The following UBE2U variants were observed in gnomAD, a reference collection of about 807,000 sequenced individuals.
UBE2U encodes ubiquitin-conjugating enzyme E2 U.
A neutral mutation model predicts 41.2 loss-of-function variants in UBE2U; 39 were observed. That is an observed-to-expected ratio of 0.95 (90% confidence interval 0.73 to 1.24). UBE2U has a LOEUF of 1.24. Ranked by LOEUF, UBE2U falls within the 50% of genes most tolerant of loss-of-function variation. The pLI, the probability that UBE2U is intolerant of heterozygous loss-of-function variation, is 0.00. For synonymous variants in UBE2U, 107 were observed against 117.8 expected (o/e 0.91, Z 0.60); for missense variants, 336 against 363.1 (o/e 0.93, Z 0.61).
At chr1:64,206,888 G>A (rs753746023) in intron 3 of UBE2U, 32 bp downstream of exon 3, 1 of 1,243,904 alleles carries the variant, frequency 8.0e-7, no homozygotes, top group Non-Finnish European at 1.2e-6. Context: ...TATCATTAGA[G>A]GCTTTGTCCC....
intron 3 of UBE2U, 47 bp from the exon 4 acceptor site, chr1:64,210,695 T>A (rs1651608543): frequency 8.2e-7 from 1 of 1,218,428 alleles, no homozygotes; most frequent in Admixed American, 2.9e-5. Context: ...AAGTTTTAAA[T>A]AATAATTTAT....
intron 7 of UBE2U, among the ~76,000 whole-genome samples, chr1:64,239,092 G>GAAGAAGAAGAAA (rs1644737300): frequency 7.9e-4 from 34 of 42,804 alleles, no homozygotes; most frequent in African/African-American, 3.3e-3. Flanking sequence ...AAGAGGAAGA[G>GAAGAAGAAGAAA]GAAGAAGAAG....
chr1:64,218,406 G>A lies in UBE2U; in HGVS notation c.458-2453G>A, dbSNP rs78814406. 5.2e-4 allele frequency among the ~76,000 whole-genome samples: 79 copies of A among 152,248 alleles called. No homozygotes were observed. In the East Asian group the frequency reaches 0.015, roughly 28 times the overall value. On this transcript the variant is annotated intron_variant, in intron 5 of 9. Coordinates refer to ENST00000371077, the MANE Select transcript of UBE2U (RefSeq NM_001366232.2). ...AAGTTTCTAAGTTGCTAGTTTTAAC[G>A]AGAAATGTTAAATATTTATTTTCTA...
intron 7 of UBE2U, among the ~76,000 whole-genome samples, chr1:64,233,249 C>T (rs1964633): frequency 0.17 from 25,530 of 151,934 alleles, 2,775 homozygotes; most frequent in Non-Finnish European, 0.24. Context: ...CCTCGTGATC[C>T]GCCTGCCTCA....
chr1:64,227,876 T>G (rs1198671900), intron 6 of UBE2U, among the ~76,000 whole-genome samples: 2 of 152,050 alleles, frequency 1.3e-5, no homozygotes, highest in Non-Finnish European at 2.9e-5. Flanking sequence ...GTACAAGACA[T>G]GTATACTGAA....
At chr1:64,228,674 C>A (rs1217423655) in intron 6 of UBE2U, among the ~76,000 whole-genome samples, 1 of 125,558 alleles carries the variant, frequency 8.0e-6, no homozygotes, top group African/African-American at 3.2e-5. Flanking sequence ...TCTTTTCTTT[C>A]TCTCTCTCTC....
chr1:64,239,526 A>G (rs1294393637), intron 7 of UBE2U, among the ~76,000 whole-genome samples: 1 of 70,030 alleles, frequency 1.4e-5, no homozygotes, highest in Non-Finnish European at 2.6e-5. Flanking sequence ...CCCTCCCCCC[A>G]CCCCACGACA....
chr1:64,242,797 C>T (rs1644857154), intron 8 of UBE2U, among the ~76,000 whole-genome samples: 1 of 152,068 alleles, frequency 6.6e-6, no homozygotes, highest in Non-Finnish European at 1.5e-5. Context: ...TTTTATCCAG[C>T]AAAATTTGAA....
chr1:64,254,454 T>C (rs138680419), intron 8 of UBE2U, among the ~76,000 whole-genome samples: 10 of 152,278 alleles, frequency 6.6e-5, no homozygotes, highest in Non-Finnish European at 1.5e-4. Flanking sequence ...CAACAAAATA[T>C]ACATTGTTCT....
chr1:64,220,940 T>G, intron 6 of UBE2U, 33 bp downstream of exon 6: 2 of 1,478,464 alleles, frequency 1.4e-6, no homozygotes, highest in Non-Finnish European at 1.9e-6. Context: ...TATGTCGATT[T>G]ATTTACCAAA....
chr1:64,224,445 G>A (rs1185296473), intron 6 of UBE2U, among the ~76,000 whole-genome samples: 6 of 152,142 alleles, frequency 3.9e-5, no homozygotes, highest in Admixed American at 6.5e-5. Context: ...TAAGCGGGCC[G>A]GGTGCAGTGG....
intron 1 of UBE2U, among the ~76,000 whole-genome samples, chr1:64,204,536 A>T (rs1490115879): frequency 1.3e-5 from 2 of 152,156 alleles, no homozygotes; most frequent in Non-Finnish European, 2.9e-5. Flanking sequence ...TTGGACTTCA[A>T]AGCCCTAGTT....
Position 64,203,807 on chromosome 1 carries a change from C to G in UBE2U, c.-244C>G, listed in dbSNP as rs1003747528. 2 of 394,836 alleles carry G rather than the reference C, an allele frequency of 5.1e-6. No individual in the cohort carries two copies. The highest frequency in any genetic ancestry group is 4.5e-6 in the Non-Finnish European group (1 of 220,148). 24.5% of individuals were successfully genotyped at this position (394,836 alleles called of 1,614,324 possible). The stretch of plus-strand genomic sequence containing the variant: ...TGTGAGCCGGCACTGCAGTGAAACG[C>G]CGCAGATGAGGAAGTGCCCAAGTCT... On this transcript the variant is annotated 5_prime_UTR_variant, in exon 1 of 10. Coordinates refer to ENST00000371077, the MANE Select transcript of UBE2U (RefSeq NM_001366232.2).
At chr1:64,257,624 G>A (rs1645115201) in intron 8 of UBE2U, among the ~76,000 whole-genome samples, 1 of 152,152 alleles carries the variant, frequency 6.6e-6, no homozygotes. Context: ...AGGGGGGTGT[G>A]TTGGGGGATG....
chr1:64,244,126 G>T, intron 8 of UBE2U: 4 of 1,606,286 alleles, frequency 2.5e-6, no homozygotes, highest in Non-Finnish European at 3.4e-6. Context: ...CATTCAATTT[G>T]CAGATGAAAA....
chr1:64,254,627 A>G (rs935326160), intron 8 of UBE2U, among the ~76,000 whole-genome samples: 1 of 152,238 alleles, frequency 6.6e-6, no homozygotes, highest in Admixed American at 6.5e-5. Context: ...CTAAATGGAA[A>G]TTGAGCAACC....
intron 4 of UBE2U, among the ~76,000 whole-genome samples, chr1:64,213,088 C>T (rs1319173977): frequency 6.6e-6 from 1 of 152,110 alleles, no homozygotes; most frequent in Non-Finnish European, 1.5e-5. Context: ...TCCTGTTTTT[C>T]AGTTTAAAAT....
chr1:64,229,068 C>T (rs1011135866), intron 6 of UBE2U, among the ~76,000 whole-genome samples: 7 of 151,974 alleles, frequency 4.6e-5, no homozygotes, highest in Non-Finnish European at 1.5e-5. Context: ...ACCATGTTGG[C>T]CAGGATGGTC....
chr1:64,211,374 T>C (rs1040721058), intron 4 of UBE2U, among the ~76,000 whole-genome samples: 6 of 152,226 alleles, frequency 3.9e-5, no homozygotes, highest in Non-Finnish European at 7.3e-5. Context: ...GTTTCTCAGA[T>C]GCCACCTTTA....
Sources: gnomAD v4.1 joint callset for allele counts (sites outside exome capture counted in the v4.1 genomes callset) on GRCh38, gnomAD v4.1.1 for gene constraint, MANE v1.5 for transcripts, NCBI Gene and HGNC (gene_info 2026-07-23, HGNC 2026-07-21) for gene names.